Variants in FAM204A observed in about 807,000 individuals in gnomAD.
FAM204A encodes the protein family with sequence similarity 204 member A.
FAM204A carries 16 observed loss-of-function variants against 35.4 expected under a neutral mutation model. That is an observed-to-expected ratio of 0.45 (90% CI 0.31 to 0.69). FAM204A has a LOEUF of 0.69. FAM204A is among the 30% of genes least tolerant of loss of function. The pLI, the probability that FAM204A is intolerant of heterozygous loss-of-function variation, is 0.07. For synonymous variants in FAM204A, 76 were observed against 86.9 expected, an observed-to-expected ratio of 0.88 and a Z score of 0.70; for missense variants, 240 against 265.7, an observed-to-expected ratio of 0.90 and a Z score of 0.67.
intron 7 of FAM204A, 70 bp from the exon 8 acceptor site, chr10:118,311,383 C>A: frequency 8.2e-7 from 1 of 1,218,296 alleles, no homozygotes; most frequent in Non-Finnish European, 1.2e-6. Context: ...TACACTTATA[C>A]AAATAATTGA....
rs1845803598 is a variant in FAM204A, at chr10:118,301,083, C to T, written c.*9774G>A. 1 of 152,180 alleles carries T rather than the reference C, an allele frequency of 6.6e-6. No individual in the cohort carries two copies. The highest frequency in any genetic ancestry group is 2.4e-5 in the African/African-American group (1 of 41,422). The allele number at this position is 152,180 out of a possible 1,614,324, so 9.4% of individuals were successfully genotyped here. ...ATTCCAAAGCTTTGCTTTCCTGCTG[C>T]TGTATGTCTTTTGCGTCATCTTCGC... On this transcript the variant is annotated 3_prime_UTR_variant, in exon 9 of 9. Transcript: ENST00000369183.
chr10:118,331,852 T>TATAC (rs1846294277), intron 6 of FAM204A, among the ~76,000 whole-genome samples: 1 of 148,274 alleles, frequency 6.7e-6, no homozygotes, highest in Non-Finnish European at 1.5e-5. Context: ...TTTATATATA[T>TATAC]ATATATATAT....
chr10:118,308,736 CG>C lies in FAM204A; in HGVS notation c.*2120del. 1 of 155,648 alleles carries C rather than the reference CG, an allele frequency of 6.4e-6. No individual in the cohort carries two copies. The highest frequency in any genetic ancestry group is 1.8e-4 in the East Asian group (1 of 5,574). 9.6% of individuals were successfully genotyped at this position (155,648 alleles called of 1,614,324 possible). On this transcript the variant is annotated 3_prime_UTR_variant, in exon 9 of 9. Transcript: ENST00000369183. ...CGAGGGGATGCTGAGGGGGCAACTG[CG>C]GGCACTGGAGCAGGCTGAAGAAGGG...
At chr10:118,322,924 G>C (rs1483867594) in intron 7 of FAM204A, among the ~76,000 whole-genome samples, 3 of 152,126 alleles carry the variant, frequency 2.0e-5, no homozygotes, top group African/African-American at 4.8e-5. Context: ...CCTTGTTTCA[G>C]ATGGGGGTAC....
At chr10:118,311,884 C>CT (rs1332673631) in intron 7 of FAM204A, among the ~76,000 whole-genome samples, 1 of 152,182 alleles carries the variant, frequency 6.6e-6, no homozygotes, top group Non-Finnish European at 1.5e-5. Context: ...GGTGAAAAGG[C>CT]TGAGCACCAG....
intron 6 of FAM204A, among the ~76,000 whole-genome samples, chr10:118,332,671 CA>C (rs1047798199): frequency 1.4e-4 from 21 of 151,504 alleles, no homozygotes; most frequent in African/African-American, 5.1e-4. Context: ...AACAAACAAA[CA>C]AAAAAAACCA....
chr10:118,311,746 T>G (rs535450799), intron 7 of FAM204A, among the ~76,000 whole-genome samples: 37 of 152,338 alleles, frequency 2.4e-4, no homozygotes, highest in African/African-American at 7.2e-4. Context: ...GATCAGAAGC[T>G]CTGATTGGCA....
chr10:118,317,633 G>A (rs1013328973), intron 7 of FAM204A, among the ~76,000 whole-genome samples: 1 of 151,970 alleles, frequency 6.6e-6, no homozygotes, highest in Non-Finnish European at 1.5e-5. Flanking sequence ...TCACGGCTGT[G>A]CACAATTTTG....
chr10:118,309,292 A>C lies in FAM204A; in HGVS notation c.*1565T>G, dbSNP rs1035376498. Reference sequence around the variant, plus strand: ...GCAAGATATGATTTTTGGATGCTTAAATAGTAGCTAGGTATTCTCTTATTC... The same window carrying C: ...GCAAGATATGATTTTTGGATGCTTACATAGTAGCTAGGTATTCTCTTATTC... On this transcript the variant is annotated 3_prime_UTR_variant, in exon 9 of 9. Coordinates refer to ENST00000369183, the MANE Select transcript of FAM204A (RefSeq NM_022063.3). 6.6e-6 allele frequency: 1 copy of C among 152,194 alleles called. No individual in the cohort carries two copies. The highest frequency in any genetic ancestry group is 1.5e-5 in the Non-Finnish European group (1 of 68,036). 9.4% of individuals were successfully genotyped at this position (152,194 alleles called of 1,614,324 possible).
chr10:118,327,353 G>C (rs1334896060), intron 6 of FAM204A, among the ~76,000 whole-genome samples: 1 of 152,186 alleles, frequency 6.6e-6, no homozygotes, highest in African/African-American at 2.4e-5. Flanking sequence ...ATAAAGACCA[G>C]TGACGCTGTC....
At chr10:118,328,019 G>T (rs543663018) in intron 6 of FAM204A, among the ~76,000 whole-genome samples, 20 of 152,238 alleles carry the variant, frequency 1.3e-4, no homozygotes, top group African/African-American at 4.8e-4. Flanking sequence ...GGTAGTCGGG[G>T]ACAAGAATTT....
Position 118,300,386 on chromosome 10 carries a change from A to G in FAM204A, c.*10471T>C, listed in dbSNP as rs769661208. The stretch of plus-strand genomic sequence containing the variant: ...GACGTATTACTTCTTTTGTTCACTC[A>G]AGCCAATTAAATCAACAAATATTTA... On this transcript the variant is annotated 3_prime_UTR_variant, in exon 9 of 9. Coordinates refer to ENST00000369183, the MANE Select transcript of FAM204A (RefSeq NM_022063.3). 3.9e-5 allele frequency: 6 copies of G among 152,220 alleles called. No individual in the cohort carries two copies. The highest frequency in any genetic ancestry group is 7.2e-5 in the African/African-American group (3 of 41,448). 9.4% of individuals were successfully genotyped at this position (152,220 alleles called of 1,614,324 possible). A position where few individuals can be genotyped will look rare whatever the true frequency, so the allele number is the denominator to read the frequency against.
In FAM204A at chr10:118,306,933, A is replaced by ATT. The variant is rs1343528102; in HGVS notation, c.*3923_*3924insAA. The ATT allele has an allele frequency of 1.3e-5, 2 of 152,206 alleles. No individual in the cohort carries two copies. Among genetic ancestry groups the ATT allele is most frequent in the African/African-American group, 4.8e-5 (2 of 41,450 alleles). The allele number at this position is 152,206 out of a possible 1,614,324, so 9.4% of individuals were successfully genotyped here. On this transcript the variant is annotated 3_prime_UTR_variant, in exon 9 of 9. Transcript: ENST00000369183. ...CAGTGTGGAGGGAGGATGAAATAAT[A>ATT]AAGATTAAAGAATGCAGTTCTGCAC... is the stretch of plus-strand genomic sequence containing the variant.
At chr10:118,324,443 A>C (rs1462669887) in intron 7 of FAM204A, among the ~76,000 whole-genome samples, 2 of 152,220 alleles carry the variant, frequency 1.3e-5, no homozygotes, top group African/African-American at 4.8e-5. Flanking sequence ...AGATGACTAC[A>C]TAAGCAAAAT....
At chr10:118,313,894 CTGGT>C (rs1394218395) in intron 7 of FAM204A, among the ~76,000 whole-genome samples, 24 of 152,280 alleles carry the variant, frequency 1.6e-4, no homozygotes, top group African/African-American at 5.3e-4. Context: ...CATGGCTGTC[CTGGT>C]TAGGACAGCC....
chr10:118,320,883 TTG>T (rs150492778), intron 7 of FAM204A, among the ~76,000 whole-genome samples: 25 of 148,816 alleles, frequency 1.7e-4, no homozygotes, highest in South Asian at 6.4e-4. Flanking sequence ...GAATACCGTT[TTG>T]TGTGTGTGTG....
At position 118,308,928 on chromosome 10, in the gene FAM204A, T is replaced by C. The variant is rs1014706974; in HGVS notation, c.*1929A>G. ...CTGAAGTCAAAGGGAAATGCCCATA[T>C]CGGGGCCCCAAGTGTGAGAATATCT... On this transcript the variant is annotated 3_prime_UTR_variant, in exon 9 of 9. Transcript: ENST00000369183. 8 of 150,774 alleles carry C rather than the reference T, an allele frequency of 5.3e-5. No individual in the cohort carries two copies. Among genetic ancestry groups the C allele is most frequent in the Admixed American group, 1.3e-4 (2 of 15,130 alleles). The allele number at this position is 150,774 out of a possible 1,614,324, so 9.3% of individuals were successfully genotyped here.
At chr10:118,326,350 T>G (rs971091208) in intron 6 of FAM204A, 107 bp from the exon 7 acceptor site, 2 of 915,940 alleles carry the variant, frequency 2.2e-6, no homozygotes, top group African/African-American at 3.4e-5. Flanking sequence ...AGTAGACCAT[T>G]AATTCTCACA....
At chr10:118,336,454 A>G (rs1005128444) in intron 2 of FAM204A, 31 bp from the exon 3 acceptor site, 19 of 1,546,604 alleles carry the variant, frequency 1.2e-5, no homozygotes, top group Non-Finnish European at 1.6e-5. Flanking sequence ...TTACACATGT[A>G]GAATAACCAT....
Sources: gnomAD v4.1 joint callset for allele counts (sites outside exome capture counted in the v4.1 genomes callset) on GRCh38, gnomAD v4.1.1 for gene constraint, MANE v1.5 for transcripts, NCBI Gene and HGNC (gene_info 2026-07-23, HGNC 2026-07-21) for gene names.